The following NR5A2 variants were observed in gnomAD, a reference collection of about 807,000 sequenced individuals.
The protein encoded by NR5A2 is nuclear receptor subfamily 5 group A member 2, also known as CYP7A promoter-binding factor.
Under a neutral mutation model 62.7 loss-of-function variants are expected in NR5A2, and 26 were observed. The ratio of observed to expected loss-of-function variants is 0.41; its 90% CI spans 0.30 to 0.58. NR5A2 has a LOEUF of 0.58. NR5A2 is among the 20% of genes least tolerant of loss of function. NR5A2 has a pLI of 0.22. For synonymous variants in NR5A2, 246 were observed against 241.7 expected, an observed-to-expected ratio of 1.02 and a Z score of -0.16; for missense variants, 541 against 669.1, an observed-to-expected ratio of 0.81 and a Z score of 2.11.
chr1:200,078,944 C>T (rs962890677), intron 5 of NR5A2, among the ~76,000 whole-genome samples: 1 of 152,148 alleles, frequency 6.6e-6, no homozygotes, highest in African/African-American at 2.4e-5. Context: ...TTATGTTTTT[C>T]AATTTCTATT....
At chr1:200,067,875 A>G (rs772596699) in intron 5 of NR5A2, among the ~76,000 whole-genome samples, 6 of 152,196 alleles carry the variant, frequency 3.9e-5, no homozygotes, top group Non-Finnish European at 7.3e-5. Flanking sequence ...GGCTGAGAAC[A>G]TTTAGTGCTT....
intron 7 of NR5A2, among the ~76,000 whole-genome samples, chr1:200,156,224 T>C (rs1479427037): frequency 1.3e-5 from 2 of 152,180 alleles, no homozygotes; most frequent in African/African-American, 4.8e-5. Context: ...AGGGCTTCTG[T>C]AGGGGGCATA....
intron 7 of NR5A2, among the ~76,000 whole-genome samples, chr1:200,169,399 A>G (rs1377285997): frequency 6.6e-6 from 1 of 152,228 alleles, no homozygotes; most frequent in African/African-American, 2.4e-5. Context: ...CCCCTGGCTC[A>G]GCAGAGGACC....
In NR5A2 at chr1:200,156,770, T is replaced by C. The variant is rs191813968; in HGVS notation, c.1379-17193T>C. Among the ~76,000 whole-genome samples the C allele has an allele frequency of 9.2e-5, 14 of 152,304 alleles. No individual in the cohort carries two copies. The East Asian group carries it at 2.1e-3, about 23-fold the overall frequency. ...ACTCAACACTTTATTATAAAATAAG[T>C]TTTTGGTTAGATGATTTTGTCCAAC... On this transcript the variant is annotated intron_variant, in intron 7 of 7. Transcript: ENST00000367362.
chr1:200,170,819 C>T (rs761690266), intron 7 of NR5A2, among the ~76,000 whole-genome samples: 22 of 152,120 alleles, frequency 1.4e-4, no homozygotes, highest in Admixed American at 7.9e-4. Context: ...ATGTAAAGTA[C>T]AGTATTTTAT....
At chr1:200,114,332 GAAAAAAAA>G (rs1666118006) in intron 6 of NR5A2, among the ~76,000 whole-genome samples, 1 of 150,406 alleles carries the variant, frequency 6.6e-6, no homozygotes, top group African/African-American at 2.4e-5. Flanking sequence ...GAAGGAGGCA[GAAAAAAAA>G]GAAAAAAAGA....
chr1:200,074,833 T>G (rs1663954645), intron 5 of NR5A2, among the ~76,000 whole-genome samples: 1 of 149,778 alleles, frequency 6.7e-6, no homozygotes, highest in South Asian at 2.1e-4. Context: ...AAAAAAAAAC[T>G]TCTCCAAATA....
At chr1:200,130,618 A>G (rs1051247956) in intron 7 of NR5A2, among the ~76,000 whole-genome samples, 2 of 152,252 alleles carry the variant, frequency 1.3e-5, no homozygotes, top group African/African-American at 2.4e-5. Flanking sequence ...AATAAGCATT[A>G]TAGTCTAAAC....
intron 7 of NR5A2, among the ~76,000 whole-genome samples, chr1:200,141,385 G>A (rs1027752374): frequency 6.6e-6 from 1 of 152,044 alleles, no homozygotes; most frequent in Non-Finnish European, 1.5e-5. Context: ...TTTGGAATTG[G>A]CATCTTTCAC....
chr1:200,160,311 A>G (rs1264849545), intron 7 of NR5A2, among the ~76,000 whole-genome samples: 1 of 152,250 alleles, frequency 6.6e-6, no homozygotes, highest in Non-Finnish European at 1.5e-5. Context: ...ATGCTCTGAC[A>G]TGGAGAAGTG....
At chr1:200,112,860 G>A (rs1666023246) in intron 6 of NR5A2, among the ~76,000 whole-genome samples, 1 of 152,134 alleles carries the variant, frequency 6.6e-6, no homozygotes, top group Admixed American at 6.5e-5. Context: ...GTACAAGACT[G>A]GGCCCACTAA....
intron 5 of NR5A2, among the ~76,000 whole-genome samples, chr1:200,077,518 A>G (rs1664096746): frequency 6.6e-6 from 1 of 152,216 alleles, no homozygotes; most frequent in Non-Finnish European, 1.5e-5. Context: ...GTTCAAGACC[A>G]GCCTGGCCAA....
chr1:200,121,145 C>T (rs555507626), intron 7 of NR5A2, among the ~76,000 whole-genome samples, 190 bp downstream of exon 7: 3 of 152,168 alleles, frequency 2.0e-5, no homozygotes, highest in Admixed American at 1.3e-4. Flanking sequence ...TCAGTGGATA[C>T]GTTGGGGAAT....
intron 7 of NR5A2, among the ~76,000 whole-genome samples, chr1:200,133,324 A>T (rs1007401759): frequency 4.6e-5 from 7 of 151,618 alleles, no homozygotes; most frequent in Non-Finnish European, 1.0e-4. Flanking sequence ...GACTCTCTCC[A>T]CTTTACTCTG....
At chr1:200,146,837 A>G (rs889166942) in intron 7 of NR5A2, among the ~76,000 whole-genome samples, 3 of 152,228 alleles carry the variant, frequency 2.0e-5, no homozygotes, top group Non-Finnish European at 4.4e-5. Context: ...TTTACTGATT[A>G]AAAATTTACA....
intron 5 of NR5A2, among the ~76,000 whole-genome samples, chr1:200,055,746 A>T (rs975035889): frequency 6.6e-6 from 1 of 152,208 alleles, no homozygotes; most frequent in Non-Finnish European, 1.5e-5. Context: ...GAAAATAAAC[A>T]TTAAAGTTTG....
At chr1:200,080,188 CA>C (rs1664231645) in intron 5 of NR5A2, among the ~76,000 whole-genome samples, 1 of 152,052 alleles carries the variant, frequency 6.6e-6, no homozygotes, top group Non-Finnish European at 1.5e-5. Context: ...GCAATGCTAC[CA>C]AGAAATATGT....
At chr1:200,173,032 A>T (rs998461278) in intron 7 of NR5A2, among the ~76,000 whole-genome samples, 1 of 152,146 alleles carries the variant, frequency 6.6e-6, no homozygotes, top group Non-Finnish European at 1.5e-5. Context: ...ACCCCAGAAG[A>T]GAAATTCCAG....
At chr1:200,112,227 G>GGAGGA (rs1004041534) in intron 6 of NR5A2, among the ~76,000 whole-genome samples, 1 of 152,182 alleles carries the variant, frequency 6.6e-6, no homozygotes, top group Non-Finnish European at 1.5e-5. Flanking sequence ...AAGTCTTAAA[G>GGAGGA]GAGGAGAGAC....
Sources: gnomAD v4.1 joint callset for allele counts (sites outside exome capture counted in the v4.1 genomes callset) on GRCh38, gnomAD v4.1.1 for gene constraint, MANE v1.5 for transcripts, NCBI Gene and HGNC (gene_info 2026-07-23, HGNC 2026-07-21) for gene names.